Variants in PRDM11 observed in about 807,000 individuals in gnomAD.
PRDM11 encodes the protein PR/SET domain 11.
Under a neutral mutation model 97.8 loss-of-function variants are expected in PRDM11, and 20 were observed. That is an observed-to-expected ratio of 0.20 (90% CI 0.14 to 0.30). The LOEUF (loss-of-function observed/expected upper bound fraction) is 0.30, where lower values mean the gene tolerates loss of function less well. PRDM11 is among the 10% of genes least tolerant of loss of function. PRDM11 has a pLI of 1.00. For synonymous variants in PRDM11, 599 were observed against 637.7 expected, an observed-to-expected ratio of 0.94 and a Z score of 0.91; for missense variants, 1,139 against 1,555.2, an observed-to-expected ratio of 0.73 and a Z score of 4.50.
At chr11:45,146,514 G>C (rs1045093344), upstream of PRDM11, among the ~76,000 whole-genome samples, 2 of 152,030 alleles carry the variant, frequency 1.3e-5, no homozygotes, top group Admixed American at 6.5e-5. Flanking sequence ...GGCAGGGCGC[G>C]GGCCTAAGGG....
At chr11:45,177,782 G>T (rs1487301768) in intron 1 of PRDM11, among the ~76,000 whole-genome samples, 3 of 152,156 alleles carry the variant, frequency 2.0e-5, no homozygotes, top group African/African-American at 7.2e-5. Flanking sequence ...TGCTTTGGCT[G>T]CCAGGAGGCT....
At chr11:45,108,244 GCTGT>G (rs1852097596) in intron 1 of PRDM11, among the ~76,000 whole-genome samples, 1 of 152,164 alleles carries the variant, frequency 6.6e-6, no homozygotes, top group Non-Finnish European at 1.5e-5. Context: ...GTAAATAGCT[GCTGT>G]CTAATTCCCC....
chr11:45,223,171 G>T (rs903696470), intron 6 of PRDM11, among the ~76,000 whole-genome samples: 50 of 152,134 alleles, frequency 3.3e-4, no homozygotes, highest in African/African-American at 1.0e-3. Context: ...CAAAAATTAG[G>T]GTGTGATGGC....
intron 1 of PRDM11, among the ~76,000 whole-genome samples, chr11:45,139,378 C>T (rs1327772045): frequency 1.3e-5 from 2 of 152,146 alleles, no homozygotes; most frequent in South Asian, 2.1e-4. Flanking sequence ...ACCAGCCTGG[C>T]CAACATGGTG....
chr11:45,126,950 T>G (rs1441416014), intron 1 of PRDM11, among the ~76,000 whole-genome samples: 1 of 152,232 alleles, frequency 6.6e-6, no homozygotes, highest in African/African-American at 2.4e-5. Context: ...TTGGTTCCAT[T>G]CTCCCTGTCA....
At chr11:45,130,109 C>T (rs1303242384) in intron 1 of PRDM11, among the ~76,000 whole-genome samples, 1 of 152,062 alleles carries the variant, frequency 6.6e-6, no homozygotes, top group Admixed American at 6.6e-5. Context: ...TTGATCCCTA[C>T]CTCACACCAA....
chr11:45,172,332 T>A (rs1289985362), intron 1 of PRDM11, among the ~76,000 whole-genome samples: 1 of 152,200 alleles, frequency 6.6e-6, no homozygotes, highest in Non-Finnish European at 1.5e-5. Context: ...GCCCCTCTTC[T>A]TGTTGCCAGA....
chr11:45,168,413 T>C (rs1381493217), intron 1 of PRDM11, among the ~76,000 whole-genome samples: 3 of 152,218 alleles, frequency 2.0e-5, no homozygotes, highest in African/African-American at 7.2e-5. Flanking sequence ...ACTCCAGGAA[T>C]TGGGAGGAGT....
At chr11:45,128,227 A>C (rs997023065) in intron 1 of PRDM11, among the ~76,000 whole-genome samples, 1 of 152,074 alleles carries the variant, frequency 6.6e-6, no homozygotes, top group Non-Finnish European at 1.5e-5. Context: ...GGAGTGACCC[A>C]ATTTTCCAGG....
chr11:45,210,548 G>T (rs1853692148), intron 5 of PRDM11, among the ~76,000 whole-genome samples: 1 of 152,218 alleles, frequency 6.6e-6, no homozygotes, highest in Admixed American at 6.5e-5. Flanking sequence ...GGCAGGAGGG[G>T]CCCCAGGGAA....
At chr11:45,151,096 G>C (rs60696638) in intron 1 of PRDM11, among the ~76,000 whole-genome samples, 1 of 152,122 alleles carries the variant, frequency 6.6e-6, no homozygotes, top group Non-Finnish European at 1.5e-5. Context: ...ATGGGAGAGC[G>C]GGCCTCCAGT....
Position 45,116,076 on chromosome 11 carries a change from G to A in PRDM11, c.96+20175G>A, listed in dbSNP as rs148133999. On this transcript the variant is annotated intron_variant, in intron 1 of 6. Coordinates refer to the PRDM11 transcript ENST00000530656. Reference sequence around the variant, plus strand: ...CAATTACAAACAATTACAAATATCAGAAAGGTGTAACAATTACATACAAAT... The same window carrying A: ...CAATTACAAACAATTACAAATATCAAAAAGGTGTAACAATTACATACAAAT... Among the ~76,000 whole-genome samples the A allele has an allele frequency of 8.6e-5, 13 of 151,956 alleles. No homozygotes were observed. In the East Asian group the frequency reaches 2.1e-3, roughly 25 times the overall value.
intron 4 of PRDM11, among the ~76,000 whole-genome samples, chr11:45,197,189 C>G (rs892218744): frequency 6.6e-6 from 1 of 152,098 alleles, no homozygotes; most frequent in Non-Finnish European, 1.5e-5. Flanking sequence ...GAAATTCTGC[C>G]ATTTGCAACA....
At chr11:45,128,586 T>C (rs1236084317) in intron 1 of PRDM11, among the ~76,000 whole-genome samples, 4 of 151,614 alleles carry the variant, frequency 2.6e-5, no homozygotes, top group Admixed American at 1.3e-4. Flanking sequence ...ACAAATTCTT[T>C]GAAAACACAA....
At chr11:45,190,649 T>A (rs1481408078) in intron 4 of PRDM11, among the ~76,000 whole-genome samples, 1 of 152,028 alleles carries the variant, frequency 6.6e-6, no homozygotes, top group African/African-American at 2.4e-5. Context: ...TCATAACTAC[T>A]CCACTCTGCC....
Position 45,219,800 on chromosome 11 carries a change from C to T in PRDM11, c.742+43C>T, listed in dbSNP as rs760382677. The stretch of plus-strand genomic sequence containing the variant: ...CATGAGCTGCGCCCACCTCTGAGCC[C>T]CAGGGGAGGCCTGGATAGCTTGTTT... On this transcript the variant is annotated intron_variant, in intron 6 of 7. Coordinates refer to ENST00000683152, the MANE Select transcript of PRDM11 (RefSeq NM_001384648.1). This position sits in a 1 kb window ranked among gnomAD's most constrained non-coding sequence, Gnocchi z 4.2. 1.9e-6 allele frequency: 3 copies of T among 1,573,406 alleles called. No individual in the cohort carries two copies. In the Admixed American group the frequency reaches 5.3e-5, roughly 28 times the overall value.
chr11:45,114,778 G>C (rs1466438981), intron 1 of PRDM11, among the ~76,000 whole-genome samples: 1 of 151,796 alleles, frequency 6.6e-6, no homozygotes, highest in East Asian at 1.9e-4. Flanking sequence ...AGAGACAATA[G>C]AAGCCAGAAC....
intron 1 of PRDM11, among the ~76,000 whole-genome samples, chr11:45,113,302 T>C (rs1448640739): frequency 1.3e-5 from 2 of 152,244 alleles, no homozygotes; most frequent in African/African-American, 2.4e-5. Context: ...TTCTGTTCCA[T>C]TGGTCTACAT....
chr11:45,209,802 G>C (rs1027773947), intron 5 of PRDM11, among the ~76,000 whole-genome samples: 1 of 152,202 alleles, frequency 6.6e-6, no homozygotes, highest in African/African-American at 2.4e-5. Flanking sequence ...TGACCCTGCA[G>C]GTTATGTAGC....
Sources: allele counts gnomAD v4.1 joint callset (sites outside exome capture counted in the v4.1 genomes callset), GRCh38; gene constraint gnomAD v4.1.1; non-coding constraint Gnocchi (gnomAD v3.1); transcripts MANE v1.5; gene names NCBI Gene and HGNC (gene_info 2026-07-23, HGNC 2026-07-21).